Variants in MTF2 observed in about 807,000 individuals in gnomAD.
MTF2 encodes metal response element binding transcription factor 2.
Under a neutral mutation model 79.5 loss-of-function variants are expected in MTF2, and 11 were observed. The observed-to-expected ratio is 0.14, with a 90% CI of 0.09 to 0.23. The LOEUF is 0.23. Ranked by LOEUF, MTF2 falls within the 10% of genes least tolerant of loss-of-function variation. MTF2 has a pLI of 1.00. For missense variants in MTF2, 486 were observed against 711.2 expected (o/e 0.68, Z 3.60); for synonymous variants, 208 against 232.8 (o/e 0.89, Z 0.97).
Position 93,136,889 on chromosome 1 carries a change from A to G in MTF2, c.1644A>G (p.Leu548=), listed in dbSNP as rs528258784. The G allele has an allele frequency of 3.7e-6, 6 of 1,614,208 alleles. No homozygotes were observed. Among genetic ancestry groups the G allele is most frequent in the African/African-American group, 1.3e-5 (1 of 75,054 alleles). The change falls in exon 15 of 15, where the codon CTA becomes CTG. Residue 548 remains leucine (L), a synonymous_variant. Transcript: ENST00000370298. ...LADQELQLNH[L]KNSITSYFGA... is the part of the protein sequence containing the mutation. ...ATCAGGAGTTACAACTCAATCATCT[A>G]AAGAACTCCATTACCAGTTATTTTG...
chr1:93,118,518 C>A, intron 7 of MTF2, 78 bp downstream of exon 7: 1 of 996,936 alleles, frequency 1.0e-6, no homozygotes, highest in Non-Finnish European at 1.5e-6. Context: ...TTCAGATTTC[C>A]TAAAGATAGT....
chr1:93,093,328 A>G (rs775789849), intron 1 of MTF2, among the ~76,000 whole-genome samples: 2 of 152,208 alleles, frequency 1.3e-5, no homozygotes, highest in African/African-American at 2.4e-5. Flanking sequence ...AAATCTTCAT[A>G]CATCTTCAGT....
intron 10 of MTF2, among the ~76,000 whole-genome samples, chr1:93,127,951 T>A (rs1656766771): frequency 6.6e-6 from 1 of 152,170 alleles, no homozygotes; most frequent in African/African-American, 2.4e-5. Flanking sequence ...CAGTGAAATT[T>A]TATATTATAA....
chr1:93,113,696 ATGGATTTTGGCACATC>A (rs1365407011), intron 3 of MTF2, among the ~76,000 whole-genome samples: 1 of 152,176 alleles, frequency 6.6e-6, no homozygotes, highest in African/African-American at 2.4e-5. Context: ...TGGAGAGAAC[ATGGATTTTGGCACATC>A]TGGATTTGAA....
chr1:93,133,553 C>T (rs1224479669), intron 11 of MTF2, 150 bp from the exon 12 acceptor site: 4 of 326,688 alleles, frequency 1.2e-5, no homozygotes, highest in Non-Finnish European at 2.1e-5. Flanking sequence ...GTGCACTTGA[C>T]TAAACTTGTG....
chr1:93,113,871 A>T (rs1656138970), intron 3 of MTF2, among the ~76,000 whole-genome samples: 1 of 152,172 alleles, frequency 6.6e-6, no homozygotes, highest in Admixed American at 6.5e-5. Flanking sequence ...ATAGCACAAA[A>T]TTATAAGTTT....
rs1420305562 is a variant in MTF2, at chr1:93,138,041, A to C, written c.*1014A>C. 6.6e-6 allele frequency: 1 copy of C among 152,210 alleles called. No homozygotes were observed. Among genetic ancestry groups the C allele is most frequent in the East Asian group, 1.9e-4 (1 of 5,204 alleles). The allele number at this position is 152,210 out of a possible 1,614,324, so 9.4% of individuals were successfully genotyped here. On this transcript the variant is annotated 3_prime_UTR_variant, in exon 15 of 15. Transcript: ENST00000370298. ...ATAGGAGTCCCGTGAAGATTCCTGA[A>C]ATGTCTGTAGTAACTGTTAGTCATG...
At chr1:93,084,644 C>G (rs372757761) in intron 1 of MTF2, among the ~76,000 whole-genome samples, 1 of 152,052 alleles carries the variant, frequency 6.6e-6, no homozygotes, top group East Asian at 1.9e-4. Context: ...TTATATAGAT[C>G]TTATTTAATT....
chr1:93,109,684 G>GT (rs879673870), intron 1 of MTF2, among the ~76,000 whole-genome samples: 2,118 of 147,848 alleles, frequency 0.014, 23 homozygotes, highest in Non-Finnish European at 0.022. Context: ...GGTTCTCAAT[G>GT]TTTTTTTTTT....
intron 9 of MTF2, among the ~76,000 whole-genome samples, chr1:93,124,389 A>T (rs1478854180): frequency 6.6e-6 from 1 of 152,070 alleles, no homozygotes; most frequent in Non-Finnish European, 1.5e-5. Context: ...TACTTTTTGT[A>T]ATCGCTTATT....
At chr1:93,097,503 T>G (rs1655338328) in intron 1 of MTF2, among the ~76,000 whole-genome samples, 1 of 152,208 alleles carries the variant, frequency 6.6e-6, no homozygotes, top group African/African-American at 2.4e-5. Context: ...TTTAAAAAAC[T>G]TGGAAAATAT....
chr1:93,095,333 A>G (rs1189940578), intron 1 of MTF2, among the ~76,000 whole-genome samples: 2 of 151,792 alleles, frequency 1.3e-5, no homozygotes, highest in Admixed American at 1.3e-4. Flanking sequence ...ATATTTCTTC[A>G]TTCTTTTTAT....
At chr1:93,091,086 C>G (rs1655058755) in intron 1 of MTF2, among the ~76,000 whole-genome samples, 1 of 152,172 alleles carries the variant, frequency 6.6e-6, no homozygotes, top group South Asian at 2.1e-4. Flanking sequence ...TTAGAATAAG[C>G]TAAACTCAGC....
At chr1:93,101,575 T>TTTTTG (rs1340554063) in intron 1 of MTF2, among the ~76,000 whole-genome samples, 4 of 88,226 alleles carry the variant, frequency 4.5e-5, no homozygotes, top group African/African-American at 2.1e-4. Flanking sequence ...CTGGTTTTTT[T>TTTTTG]TTTTTTTTTT....
In MTF2 at chr1:93,114,669, T is replaced by G; in HGVS notation, c.287-19T>G. 1.3e-6 allele frequency: 2 copies of G among 1,561,000 alleles called. No individual in the cohort carries two copies. Among genetic ancestry groups the G allele is most frequent in the Non-Finnish European group, 1.7e-6 (2 of 1,152,178 alleles). ...AATTTTTTATGACTCTCTTTTTTAA[T>G]GTGTTTTAAATATTTTAGGAGCCAC... is the stretch of plus-strand genomic sequence containing the variant. On this transcript the variant is annotated intron_variant, in intron 3 of 14. Coordinates refer to ENST00000370298, the MANE Select transcript of MTF2 (RefSeq NM_007358.4).
chr1:93,097,816 G>A (rs901025815), intron 1 of MTF2, among the ~76,000 whole-genome samples: 3 of 151,762 alleles, frequency 2.0e-5, no homozygotes, highest in Admixed American at 6.6e-5. Context: ...CGGGCTGGTC[G>A]CGAGCTCCTG....
At chr1:93,091,555 C>G (rs1231993247) in intron 1 of MTF2, among the ~76,000 whole-genome samples, 1 of 152,144 alleles carries the variant, frequency 6.6e-6, no homozygotes, top group Non-Finnish European at 1.5e-5. Flanking sequence ...CTATACTTAC[C>G]TTTCATGAAC....
chr1:93,112,978 CAGGG>C (rs1656090465), intron 3 of MTF2, among the ~76,000 whole-genome samples: 1 of 152,118 alleles, frequency 6.6e-6, no homozygotes, highest in South Asian at 2.1e-4. Context: ...GTTCCATTTC[CAGGG>C]AATTGTAAAT....
At chr1:93,093,688 T>TA (rs760613546) in intron 1 of MTF2, among the ~76,000 whole-genome samples, 25 of 152,198 alleles carry the variant, frequency 1.6e-4, no homozygotes, top group Non-Finnish European at 2.9e-4. Context: ...TTCATACACA[T>TA]ACACTCTTTT....
Sources: allele counts gnomAD v4.1 joint callset (sites outside exome capture counted in the v4.1 genomes callset), GRCh38; gene constraint gnomAD v4.1.1; transcripts MANE v1.5; gene names NCBI Gene and HGNC (gene_info 2026-07-23, HGNC 2026-07-21).